The following SYT3 variants were observed in gnomAD, a reference collection of about 807,000 sequenced individuals.
SYT3 encodes the protein synaptotagmin 3.
In SYT3, 25 loss-of-function variants were observed where a neutral mutation model predicts 50.6. That is an observed-to-expected ratio of 0.49 (90% CI 0.36 to 0.69). The LOEUF is 0.69. Ranked by LOEUF, SYT3 falls within the 30% of genes least tolerant of loss-of-function variation. The pLI is 0.00. For missense variants in SYT3, 589 were observed against 793.6 expected (o/e 0.74, Z 3.10); for synonymous variants, 323 against 353.9 (o/e 0.91, Z 0.98).
At chr19:50,634,096 C>G (rs923832343) in intron 3 of SYT3, among the ~76,000 whole-genome samples, 2 of 152,340 alleles carry the variant, frequency 1.3e-5, no homozygotes, top group African/African-American at 2.4e-5. Context: ...TGCAGAGAAA[C>G]CCAAGTACAG....
chr19:50,634,338 G>GT (rs1402470376), intron 3 of SYT3, among the ~76,000 whole-genome samples: 3 of 152,220 alleles, frequency 2.0e-5, no homozygotes, highest in Non-Finnish European at 4.4e-5. Flanking sequence ...GCTGTGTCCA[G>GT]TTATATTAGG....
chr19:50,629,443 C>T lies in SYT3; in HGVS notation c.1132G>A (p.Ala378Thr). ...ACGCTGAAGTGCAGTTTGCGTTGGG[C>T]CAGCTCGGCCAGGGGCACCGAGAAT... The part of the protein sequence containing the change: ...FQFSVPLAEL[A>T]QRKLHFSVYD... Residue 378 changes from alanine (A) to threonine (T), a missense_variant, in exon 6 of 11, where the codon GCC becomes ACC. Around this residue, in one of 2 missense-constraint regions of SYT3, gnomAD observed 273 missense variants for 439.3 expected, o/e 0.62. Coordinates refer to ENST00000600079, the MANE Select transcript of SYT3 (RefSeq NM_001160329.2). 6.2e-7 allele frequency: 1 copy of T among 1,614,044 alleles called. No individual in the cohort carries two copies.
At chr19:50,654,507 C>T in the SYT3 span, among the ~76,000 whole-genome samples, 3 of 151,674 alleles carry the variant, frequency 2.0e-5, no homozygotes, top group African/African-American at 7.3e-5. Context: ...CCATATTGGC[C>T]AGGATGGTCT....
At chr19:50,649,502 A>G in the SYT3 span, 1 of 1,536,212 alleles carries the variant, frequency 6.5e-7, no homozygotes, top group Non-Finnish European at 8.7e-7. Context: ...CACCATGCAC[A>G]GGAAGGCAGG....
chr19:50,644,071 T>C (rs1292694274), upstream of SYT3, among the ~76,000 whole-genome samples: 2 of 152,146 alleles, frequency 1.3e-5, no homozygotes, highest in African/African-American at 2.4e-5. Context: ...ACAAGCCCCG[T>C]AGGAGTAGCA....
Position 50,625,189 on chromosome 19 carries a change from G to C in SYT3, c.1680C>G (p.Pro560=). Residue 560 remains proline (P), a synonymous_variant, in exon 9 of 11, where the codon CCC becomes CCG. Coordinates refer to ENST00000600079, the MANE Select transcript of SYT3 (RefSeq NM_001160329.2). The surrounding 1 kb of genome is among the most constrained non-coding windows in gnomAD (Gnocchi z 7.5). Reference sequence around the variant, plus strand: ...CCACTAGCTGATGCCAGTGCTCCACGGGCTTGCGGGGATTGGCCAGCATCT... The same window carrying C: ...CCACTAGCTGATGCCAGTGCTCCACCGGCTTGCGGGGATTGGCCAGCATCT... The part of the protein sequence containing the change: ...WAEMLANPRK[P]VEHWHQLVEE... 1.9e-6 allele frequency: 3 copies of C among 1,601,562 alleles called. No homozygotes were observed. Among genetic ancestry groups the C allele is most frequent in the East Asian group, 2.2e-5 (1 of 44,710 alleles).
Position 50,632,691 on chromosome 19 carries a change from G to A in SYT3, c.269C>T (p.Ala90Val). The A allele has an allele frequency of 6.3e-7, 1 of 1,587,462 alleles. No homozygotes were observed. Reference sequence around the variant, plus strand: ...TTTGCGCAGGGGGCCACCGCCCACTGCCGAGCCTCCCTTGTCCCGCCAGGG... The same window carrying A: ...TTTGCGCAGGGGGCCACCGCCCACTACCGAGCCTCCCTTGTCCCGCCAGGG... ...WVPWRDKGGS[A>V]VGGGPLRKDL... Residue 90 changes from alanine to valine, a missense_variant, in exon 4 of 11, where the codon GCA becomes GTA. By Grantham distance (64) the Ala-to-Val change is moderately conservative (BLOSUM62 0). This residue lies in a region of SYT3 where 316 missense variants were observed against 354.3 expected (regional missense o/e 0.89). Coordinates refer to ENST00000600079, the MANE Select transcript of SYT3 (RefSeq NM_001160329.2). This position sits in a 1 kb window ranked among gnomAD's most constrained non-coding sequence, Gnocchi z 4.7.
the SYT3 span, among the ~76,000 whole-genome samples, chr19:50,647,796 CAG>C: frequency 3.9e-5 from 6 of 152,142 alleles, no homozygotes; most frequent in East Asian, 1.2e-3. Flanking sequence ...AACTTGGAGA[CAG>C]ATAGGCTGTG....
In SYT3 at chr19:50,625,871, TCCTC is replaced by T; in HGVS notation, c.1402+22_1402+25del. On this transcript the variant is annotated intron_variant, in intron 7 of 10. Transcript: ENST00000600079. The surrounding 1 kb of genome is among the most constrained non-coding windows in gnomAD (Gnocchi z 7.5). ...ACCCAGGAGTCCAGGCCCCCAGCCC[TCCTC>T]CCTCAGACCCAGGACCCTCACCTGA... is the stretch of plus-strand genomic sequence containing the variant. The T allele has an allele frequency of 1.9e-6, 3 of 1,606,636 alleles. No homozygotes were observed. Among genetic ancestry groups the T allele is most frequent in the Non-Finnish European group, 2.5e-6 (3 of 1,176,746 alleles).
chr19:50,632,663 G>T lies in SYT3; in HGVS notation c.297C>A (p.Asp99Glu). The stretch of plus-strand genomic sequence containing the variant: ...CTGCCAGCCCGACACCAGGGCCTAG[G>T]TCTTTGCGCAGGGGGCCACCGCCCA... ...SAVGGGPLRK[D>E]LGPGVGLAGL... The change falls in exon 4 of 11, where the codon GAC (aspartate) becomes GAA (glutamate). Residue 99 changes from aspartate to glutamate, a missense_variant. Physicochemically the swap from Asp to Glu is conservative, Grantham distance 45. Transcript: ENST00000600079. The surrounding 1 kb of genome is among the most constrained non-coding windows in gnomAD (Gnocchi z 4.7). 1.3e-6 allele frequency: 2 copies of T among 1,591,100 alleles called. No homozygotes were observed. The highest frequency in any genetic ancestry group is 8.5e-7 in the Non-Finnish European group (1 of 1,169,722).
At chr19:50,651,237 G>A in the SYT3 span, among the ~76,000 whole-genome samples, 1 of 152,158 alleles carries the variant, frequency 6.6e-6, no homozygotes, top group Non-Finnish European at 1.5e-5. Context: ...GGGCTCAAGG[G>A]AATTCTGGGA....
rs780650624 is a variant in SYT3 at position 50,632,559 on chromosome 19, G to T, written c.401C>A (p.Ala134Asp). Reference protein sequence around the residue: ...HPLLGGPHHHAHAAHHPPFAE... With the variant: ...HPLLGGPHHHDHAAHHPPFAE... ...AAAGGGTGGATGGTGGGCGGCATGG[G>T]CATGGTGGTGTGGGCCGCCCAGCAG... Residue 134 changes from alanine to aspartate, a missense_variant, in exon 4 of 11, where the codon GCC becomes GAC. By Grantham distance (126) the Ala-to-Asp change is moderately radical. Coordinates refer to ENST00000600079, the MANE Select transcript of SYT3 (RefSeq NM_001160329.2). This position sits in a 1 kb window ranked among gnomAD's most constrained non-coding sequence, Gnocchi z 4.7. 6.3e-7 allele frequency: 1 copy of T among 1,596,420 alleles called. No individual in the cohort carries two copies. Among genetic ancestry groups the T allele is most frequent in the South Asian group, 1.1e-5 (1 of 90,468 alleles).
chr19:50,655,899 G>A, the SYT3 span: 1 of 720,048 alleles, frequency 1.4e-6, no homozygotes, highest in Non-Finnish European at 2.3e-6. Flanking sequence ...GGTGTCATGG[G>A]GTGGAGTTTG....
chr19:50,626,237 G>T, intron 6 of SYT3: 1 of 567,812 alleles, frequency 1.8e-6, no homozygotes, highest in Non-Finnish European at 2.9e-6. Flanking sequence ...AAGATTGGAA[G>T]AAGCATGAGT....
intron 4 of SYT3, 147 bp from the exon 5 acceptor site, chr19:50,630,318 TGAG>T (rs1486420175): frequency 2.6e-6 from 2 of 756,754 alleles, no homozygotes; most frequent in African/African-American, 3.6e-5. Context: ...TGTGTGAGCT[TGAG>T]GAAGCCACTG....
chr19:50,635,551 A>C (rs1286783806), intron 3 of SYT3, among the ~76,000 whole-genome samples: 1 of 152,172 alleles, frequency 6.6e-6, no homozygotes. Context: ...GGAACCTCTA[A>C]GCCCATGGAA....
At chr19:50,642,069 A>G (rs533082940), upstream of SYT3, among the ~76,000 whole-genome samples, 9 of 152,190 alleles carry the variant, frequency 5.9e-5, no homozygotes, top group Admixed American at 4.6e-4. Flanking sequence ...ACCCCCAGAA[A>G]TGCCTCCCAG....
rs544146780 is a variant in SYT3 at position 50,629,850 on chromosome 19, G to A, written c.996C>T (p.Asn332=). The A allele has an allele frequency of 8.9e-5, 143 of 1,614,136 alleles. 1 individual carries two copies. In the South Asian group the frequency reaches 1.2e-3, roughly 13 times the overall value. The stretch of plus-strand genomic sequence containing the variant: ...TCTTGACGTAGGGGTCTGAGAAGCC[G>A]TTGGAGTCCTTGGCAGGGAGGTCCA... ...QALDLPAKDS[N]GFSDPYVKIY... The change falls in exon 5 of 11, where the codon AAC becomes AAT. Residue 332 remains asparagine, a synonymous_variant. Transcript: ENST00000600079.
chr19:50,642,720 G>T (rs1984700670), upstream of SYT3, among the ~76,000 whole-genome samples: 3 of 151,998 alleles, frequency 2.0e-5, no homozygotes, highest in Admixed American at 2.0e-4. Context: ...TGTAATCTCA[G>T]CTACTTGGGA....
Sources: gnomAD v4.1 joint callset for allele counts (sites outside exome capture counted in the v4.1 genomes callset) on GRCh38, gnomAD v4.1.1 for gene constraint, gnomAD v4.1.1 regional missense constraint, Gnocchi (gnomAD v3.1) non-coding constraint, MANE v1.5 for transcripts, NCBI Gene and HGNC (gene_info 2026-07-23, HGNC 2026-07-21) for gene names.